Variants in SMC5 observed in about 807,000 individuals in gnomAD.
SMC5 encodes structural maintenance of chromosomes protein 5.
In SMC5, 88 loss-of-function variants were observed where a neutral mutation model predicts 148.3. That is an observed-to-expected ratio of 0.59 (90% CI 0.50 to 0.71). The LOEUF (loss-of-function observed/expected upper bound fraction) is 0.71. Ranked by LOEUF, SMC5 falls within the 30% of genes least tolerant of loss-of-function variation. SMC5 has a pLI of 0.00. For synonymous variants in SMC5, 421 were observed against 432.8 expected, an observed-to-expected ratio of 0.97 and a Z score of 0.34; for missense variants, 1,142 against 1,298.9, an observed-to-expected ratio of 0.88 and a Z score of 1.86.
chr9:70,290,636 C>A (rs1255700383), intron 8 of SMC5, among the ~76,000 whole-genome samples: 5 of 151,840 alleles, frequency 3.3e-5, no homozygotes, highest in Non-Finnish European at 5.9e-5. Context: ...AGGGTCCTTT[C>A]ATTTCAGCCT....
intron 17 of SMC5, among the ~76,000 whole-genome samples, chr9:70,336,468 C>T (rs1353381450): frequency 6.6e-6 from 1 of 152,078 alleles, no homozygotes; most frequent in Admixed American, 6.5e-5. Context: ...TCACCAAGAA[C>T]AAAGGAAGGA....
intron 8 of SMC5, among the ~76,000 whole-genome samples, chr9:70,288,801 A>G (rs1427782727): frequency 6.6e-6 from 1 of 152,156 alleles, no homozygotes; most frequent in Non-Finnish European, 1.5e-5. Flanking sequence ...TTTATGGTCA[A>G]TAAATGTGGC....
At position 70,277,333 on chromosome 9, in the gene SMC5, T is replaced by C; in HGVS notation, c.404T>C (p.Val135Ala). ...IELFRASGNL[V>A]ITREIDVAKN... Reference sequence around the variant, plus strand: ...AGGTTCAGGGCTTCTGGAAATCTTGTAATCACCCGTGAGATTGATGTGGCA... The same window carrying C: ...AGGTTCAGGGCTTCTGGAAATCTTGCAATCACCCGTGAGATTGATGTGGCA... The change falls in exon 4 of 25, where the codon GTA becomes GCA. Residue 135 changes from valine to alanine, a missense_variant. Val to Ala is a moderately conservative substitution (Grantham distance 64). Coordinates refer to ENST00000361138, the MANE Select transcript of SMC5 (RefSeq NM_015110.4). 6.3e-7 allele frequency: 1 copy of C among 1,576,968 alleles called. No individual in the cohort carries two copies. The highest frequency in any genetic ancestry group is 1.7e-4 in the Middle Eastern group (1 of 5,904).
chr9:70,323,244 C>T (rs541928898), intron 15 of SMC5, among the ~76,000 whole-genome samples: 2 of 152,198 alleles, frequency 1.3e-5, no homozygotes, highest in African/African-American at 4.8e-5. Flanking sequence ...TTTGTTTGTT[C>T]GTTTCTGGTT....
At chr9:70,308,178 T>C (rs1490749353) in intron 11 of SMC5, among the ~76,000 whole-genome samples, 2 of 152,196 alleles carry the variant, frequency 1.3e-5, no homozygotes, top group African/African-American at 4.8e-5. Context: ...AGTCCAGCTT[T>C]GGGGTACCTT....
Position 70,350,278 on chromosome 9 carries a change from T to C in SMC5, c.3054T>C (p.Val1018=), listed in dbSNP as rs771467041. Reference sequence around the variant, plus strand: ...TAAATAGATGTCCATTCAGAGTAGTTGATGAAATCAATCAGGTATGGTGAT... The same window carrying C: ...TAAATAGATGTCCATTCAGAGTAGTCGATGAAATCAATCAGGTATGGTGAT... ...QELNRCPFRV[V]DEINQGMDPI... Residue 1018 remains valine (V), a synonymous_variant, in exon 23 of 25, where the codon GTT becomes GTC. Transcript: ENST00000361138. 1 of 1,612,742 alleles carries C rather than the reference T, an allele frequency of 6.2e-7. No homozygotes were observed. Among genetic ancestry groups the C allele is most frequent in the African/African-American group, 1.3e-5 (1 of 74,896 alleles).
At chr9:70,338,572 C>G (rs1268271176) in intron 17 of SMC5, among the ~76,000 whole-genome samples, 1 of 152,136 alleles carries the variant, frequency 6.6e-6, no homozygotes, top group Non-Finnish European at 1.5e-5. Context: ...AAATCTACAG[C>G]TTTATAATAT....
chr9:70,271,587 G>A (rs1038081999), intron 3 of SMC5, among the ~76,000 whole-genome samples: 1 of 152,082 alleles, frequency 6.6e-6, no homozygotes, highest in Non-Finnish European at 1.5e-5. Flanking sequence ...GCATAAGGAG[G>A]GACAGTTAGA....
chr9:70,295,861 G>A (rs1009630664), intron 8 of SMC5, among the ~76,000 whole-genome samples: 3 of 152,040 alleles, frequency 2.0e-5, no homozygotes, highest in Admixed American at 1.3e-4. Context: ...ATTCTGTATC[G>A]TCTTTAGTGT....
At chr9:70,346,969 A>G in intron 19 of SMC5, 97 bp from the exon 20 acceptor site, 2 of 871,238 alleles carry the variant, frequency 2.3e-6, no homozygotes, top group South Asian at 3.3e-5. Flanking sequence ...ATGCTGTTGA[A>G]CAGATAGATA....
intron 11 of SMC5, among the ~76,000 whole-genome samples, chr9:70,306,867 C>G (rs949761685): frequency 6.6e-6 from 1 of 152,106 alleles, no homozygotes; most frequent in Non-Finnish European, 1.5e-5. Context: ...GAAATTTATT[C>G]TATATAACCT....
intron 13 of SMC5, among the ~76,000 whole-genome samples, chr9:70,317,950 G>A (rs2035845962): frequency 7.4e-6 from 1 of 134,512 alleles, no homozygotes; most frequent in African/African-American, 3.2e-5. Flanking sequence ...AATGTGCTGA[G>A]CACTCTTCTC....
At chr9:70,347,259 T>C in intron 20 of SMC5, 98 bp downstream of exon 20, 1 of 877,686 alleles carries the variant, frequency 1.1e-6, no homozygotes, top group Non-Finnish European at 1.8e-6. Flanking sequence ...AGTACTTGCC[T>C]CCCACTCTGT....
chr9:70,331,361 A>T (rs1291078791), intron 17 of SMC5, among the ~76,000 whole-genome samples: 3 of 152,228 alleles, frequency 2.0e-5, no homozygotes, highest in Non-Finnish European at 4.4e-5. Context: ...TATAATGTGT[A>T]TACCTTATTT....
In SMC5 at chr9:70,298,017, C is replaced by A. The variant is rs1425167449; in HGVS notation, c.1105C>A (p.Arg369=). 1 of 1,613,772 alleles carries A rather than the reference C, an allele frequency of 6.2e-7. No homozygotes were observed. The highest frequency in any genetic ancestry group is 1.7e-5 in the Admixed American group (1 of 60,000). Residue 369 remains arginine (R), a synonymous_variant, in exon 9 of 25, where the codon CGA becomes AGA. Transcript: ENST00000361138. ...LIVKQNEELD[R]QRRIGNTRKM... Reference sequence around the variant, plus strand: ...AGTAAAGCAAAATGAAGAGCTTGACCGACAGAGGAGAATAGGTAATACCCG... The same window carrying A: ...AGTAAAGCAAAATGAAGAGCTTGACAGACAGAGGAGAATAGGTAATACCCG...
Position 70,284,837 on chromosome 9 carries a change from GTTC to G in SMC5, c.982-1356_982-1354del, listed in dbSNP as rs1285430108. ...GTTAATTTTGTTTAATATTCATGCT[GTTC>G]TTCTTCCTGCTCATTCTGTTCCAGC... On this transcript the variant is annotated intron_variant, in intron 7 of 24. Coordinates refer to ENST00000361138, the MANE Select transcript of SMC5 (RefSeq NM_015110.4). 5.3e-5 allele frequency among the ~76,000 whole-genome samples: 8 copies of G among 152,102 alleles called. No individual in the cohort carries two copies. The East Asian group carries it at 1.5e-3, about 29-fold the overall frequency.
chr9:70,287,255 T>C (rs1055291818), intron 8 of SMC5, among the ~76,000 whole-genome samples: 1 of 152,138 alleles, frequency 6.6e-6, no homozygotes, highest in African/African-American at 2.4e-5. Flanking sequence ...CTTTATAATA[T>C]TGTTTTTTCT....
At chr9:70,300,328 G>A in intron 10 of SMC5, 128 bp downstream of exon 10, 4 of 757,314 alleles carry the variant, frequency 5.3e-6, no homozygotes, top group Non-Finnish European at 6.0e-6. Context: ...CTGGCATACT[G>A]CTGAATCTAT....
chr9:70,270,249 T>C (rs2034407827), intron 3 of SMC5, among the ~76,000 whole-genome samples: 1 of 152,184 alleles, frequency 6.6e-6, no homozygotes, highest in Admixed American at 6.5e-5. Context: ...TTATAAAGGA[T>C]ACTACAGAAG....
Sources: allele counts gnomAD v4.1 joint callset (sites outside exome capture counted in the v4.1 genomes callset), GRCh38; gene constraint gnomAD v4.1.1; transcripts MANE v1.5; gene names NCBI Gene and HGNC (gene_info 2026-07-23, HGNC 2026-07-21).